The following TIAM1 variants were observed in gnomAD, a reference collection of about 807,000 sequenced individuals.
TIAM1 encodes the protein TIAM Rac1 associated GEF 1.
In TIAM1, 65 loss-of-function variants were observed where a neutral mutation model predicts 163.5. The ratio of observed to expected loss-of-function variants is 0.40; its 90% CI spans 0.33 to 0.49. The LOEUF (loss-of-function observed/expected upper bound fraction) is 0.49, where lower values mean the gene tolerates loss of function less well. Among genes scored for constraint, TIAM1 ranks in the 20% least tolerant of loss-of-function variants. The probability of loss-of-function intolerance (pLI) is 0.77; values close to 1 mark genes in which losing one functional copy is unlikely to be tolerated. For missense variants in TIAM1, 1,789 were observed against 2,044.7 expected, an observed-to-expected ratio of 0.87 and a Z score of 2.41; for synonymous variants, 833 against 810.1, an observed-to-expected ratio of 1.03 and a Z score of -0.48.
intron 1 of TIAM1, among the ~76,000 whole-genome samples, chr21:31,495,907 G>C (rs1454365484): frequency 1.3e-5 from 2 of 152,136 alleles, no homozygotes; most frequent in Admixed American, 6.5e-5. Context: ...AGGGGTTGGA[G>C]GTTGCAGTGA....
chr21:31,154,544 G>A (rs1469553518), intron 16 of TIAM1, 118 bp from the exon 17 acceptor site: 54 of 1,052,896 alleles, frequency 5.1e-5, no homozygotes, highest in South Asian at 5.4e-5. Flanking sequence ...TATGAATGTC[G>A]TCTTGTGTTT....
At chr21:31,179,061 T>C (rs1314845038) in intron 15 of TIAM1, among the ~76,000 whole-genome samples, 3 of 151,766 alleles carry the variant, frequency 2.0e-5, no homozygotes, top group Non-Finnish European at 2.9e-5. Flanking sequence ...TGAAGGATTT[T>C]TGATGATTGT....
intron 2 of TIAM1, among the ~76,000 whole-genome samples, chr21:31,366,800 C>T (rs1217719943): frequency 2.6e-5 from 4 of 152,076 alleles, no homozygotes; most frequent in Non-Finnish European, 5.9e-5. Flanking sequence ...CTATTTTTAA[C>T]GGAGACGGGG....
intron 1 of TIAM1, among the ~76,000 whole-genome samples, chr21:31,494,758 G>A (rs191346186): frequency 2.6e-5 from 4 of 152,294 alleles, no homozygotes; most frequent in African/African-American, 7.2e-5. Flanking sequence ...CAGGAGAACT[G>A]CTTGAACCTC....
chr21:31,543,952 T>G (rs2123286051), intron 1 of TIAM1, among the ~76,000 whole-genome samples: 1 of 152,332 alleles, frequency 6.6e-6, no homozygotes, highest in Middle Eastern at 3.4e-3. Flanking sequence ...GGCTCACGCC[T>G]GTAATTCCAG....
intron 2 of TIAM1, among the ~76,000 whole-genome samples, chr21:31,446,785 T>C (rs919983737): frequency 6.6e-6 from 1 of 152,222 alleles, no homozygotes. Context: ...ATGTTATCGA[T>C]GTGCTGCACA....
intron 19 of TIAM1, among the ~76,000 whole-genome samples, chr21:31,151,914 C>T (rs2833306): frequency 0.084 from 12,833 of 151,920 alleles, 516 homozygotes; most frequent in Middle Eastern, 0.19. Flanking sequence ...GCAAGGACAC[C>T]GTGTGCTGGA....
chr21:31,259,354 C>T (rs1324818642), intron 4 of TIAM1, among the ~76,000 whole-genome samples: 1 of 152,032 alleles, frequency 6.6e-6, no homozygotes, highest in Non-Finnish European at 1.5e-5. Flanking sequence ...CCGGGCTGGT[C>T]TTGAACTCCT....
intron 2 of TIAM1, chr21:31,452,819 G>C (rs2044919059): frequency 1.9e-6 from 1 of 531,206 alleles, no homozygotes; most frequent in African/African-American, 1.9e-5. Flanking sequence ...AGGAAGAGGA[G>C]CTTGAGGATG....
At position 31,363,566 on chromosome 21, in the gene TIAM1, T is replaced by C. The variant is rs145570914; in HGVS notation, c.-368-24144A>G. On this transcript the variant is annotated intron_variant, in intron 2 of 28. Transcript: ENST00000286827. ...TTAGTCCCTAAGCTTCCTCTAATGATGTCTTTTAAAACTGCACCTTACATG... is the reference window on the plus strand; with the variant it reads ...TTAGTCCCTAAGCTTCCTCTAATGACGTCTTTTAAAACTGCACCTTACATG... 9.1e-4 allele frequency among the ~76,000 whole-genome samples: 138 copies of C among 152,208 alleles called. 1 individual carries two copies. In the East Asian group the frequency reaches 0.019, roughly 21 times the overall value.
intron 2 of TIAM1, among the ~76,000 whole-genome samples, chr21:31,319,609 T>A (rs1449709778): frequency 4.6e-5 from 7 of 152,088 alleles, no homozygotes; most frequent in African/African-American, 1.4e-4. Flanking sequence ...AAACCCCGTC[T>A]GTACTAAAAA....
chr21:31,526,168 A>T (rs1238515970), intron 1 of TIAM1, among the ~76,000 whole-genome samples: 2 of 152,182 alleles, frequency 1.3e-5, no homozygotes, highest in Non-Finnish European at 2.9e-5. Flanking sequence ...TGCCACCCCC[A>T]TAGCAGCACT....
At chr21:31,187,213 T>C in intron 13 of TIAM1, 126 bp from the exon 14 acceptor site, 2 of 857,834 alleles carry the variant, frequency 2.3e-6, no homozygotes, top group Non-Finnish European at 3.7e-6. Flanking sequence ...CTGATTGTTT[T>C]TTCTTGTTTT....
intron 13 of TIAM1, among the ~76,000 whole-genome samples, chr21:31,193,746 G>A (rs190118890): frequency 6.6e-4 from 100 of 152,264 alleles, no homozygotes; most frequent in South Asian, 1.0e-3. Flanking sequence ...GTAAAATCAA[G>A]CTGCACACAC....
intron 2 of TIAM1, among the ~76,000 whole-genome samples, chr21:31,404,027 G>A (rs2077208207): frequency 6.6e-6 from 1 of 152,106 alleles, no homozygotes; most frequent in Non-Finnish European, 1.5e-5. Flanking sequence ...ATTGTAAAAG[G>A]AAATCCACTC....
At chr21:31,343,986 C>A (rs551740465) in intron 1 of TIAM1, among the ~76,000 whole-genome samples, 152 bp downstream of exon 1, 113 of 152,328 alleles carry the variant, frequency 7.4e-4, no homozygotes, top group East Asian at 2.3e-3. Context: ...TGGGAAGGGG[C>A]ACGGGACGCA....
chr21:31,318,655 TTAC>T (rs1488447394), intron 2 of TIAM1, among the ~76,000 whole-genome samples: 2 of 152,212 alleles, frequency 1.3e-5, no homozygotes, highest in Non-Finnish European at 2.9e-5. Flanking sequence ...CCAACAAAAT[TTAC>T]TACTTTGGAA....
intron 6 of TIAM1, among the ~76,000 whole-genome samples, chr21:31,234,790 A>G (rs2088652013): frequency 6.6e-6 from 1 of 152,160 alleles, no homozygotes; most frequent in African/African-American, 2.4e-5. Flanking sequence ...TCCAAAAAAA[A>G]AGAGAAGAAA....
intron 2 of TIAM1, among the ~76,000 whole-genome samples, chr21:31,418,338 T>C (rs1263428885): frequency 1.1e-5 from 1 of 92,058 alleles, no homozygotes; most frequent in East Asian, 3.3e-4. Context: ...CGAGACTCTG[T>C]CTCAAAAAAA....
Sources: allele counts gnomAD v4.1 joint callset (sites outside exome capture counted in the v4.1 genomes callset), GRCh38; gene constraint gnomAD v4.1.1; transcripts MANE v1.5; gene names NCBI Gene and HGNC (gene_info 2026-07-23, HGNC 2026-07-21).